The following SS18 variants were observed in gnomAD, a reference collection of about 807,000 sequenced individuals.
SS18 encodes the protein protein SSXT.
A neutral mutation model predicts 72.5 loss-of-function variants in SS18; 28 were observed. The observed-to-expected ratio is 0.39, with a 90% CI of 0.29 to 0.53. The LOEUF (loss-of-function observed/expected upper bound fraction) is 0.53, where lower values mean the gene tolerates loss of function less well. SS18 is among the 20% of genes least tolerant of loss of function. The pLI is 0.76. For missense variants in SS18, 518 were observed against 535.3 expected (o/e 0.97, Z 0.32); for synonymous variants, 172 against 164.2 (o/e 1.05, Z -0.37).
chr18:26,030,087 T>C (rs990327191), intron 10 of SS18, among the ~76,000 whole-genome samples: 12 of 152,228 alleles, frequency 7.9e-5, no homozygotes, highest in African/African-American at 2.9e-4. Context: ...AGCTACCAAG[T>C]GCTAGCCACT....
chr18:26,078,301 C>T (rs994465702), intron 2 of SS18, 141 bp from the exon 3 acceptor site: 4 of 537,604 alleles, frequency 7.4e-6, no homozygotes, highest in Non-Finnish European at 3.2e-6. Context: ...TTTTCCTACA[C>T]TGCAAAAGTT....
rs1269232425 is a variant in SS18 at position 26,035,508 on chromosome 18, A to G, written c.973+323T>C. 3 of 287,206 alleles carry G rather than the reference A, an allele frequency of 1.0e-5. No homozygotes were observed. The highest frequency in any genetic ancestry group is 6.5e-5 in the African/African-American group (3 of 46,286). 17.8% of individuals were successfully genotyped at this position (287,206 alleles called of 1,614,324 possible). A position where few individuals can be genotyped will look rare whatever the true frequency, so the allele number is the denominator to read the frequency against. On this transcript the variant is annotated intron_variant, in intron 8 of 10. Coordinates refer to ENST00000415083, the MANE Select transcript of SS18 (RefSeq NM_001007559.3). The surrounding 1 kb of genome is among the most constrained non-coding windows in gnomAD (Gnocchi z 4.4). ...TGTTTCCTAAAGGCACTATACTTATATGTAAAATTATACATATGTAAACAC... is the reference window on the plus strand; with the variant it reads ...TGTTTCCTAAAGGCACTATACTTATGTGTAAAATTATACATATGTAAACAC...
At chr18:26,059,788 C>T (rs12960968) in intron 3 of SS18, among the ~76,000 whole-genome samples, 8,418 of 152,272 alleles carry the variant, frequency 0.055, 273 homozygotes, top group East Asian at 0.13. Flanking sequence ...AATTGTTCAA[C>T]CACAAGGTCT....
At chr18:26,046,574 T>A (rs2053827954) in intron 5 of SS18, among the ~76,000 whole-genome samples, 1 of 152,240 alleles carries the variant, frequency 6.6e-6, no homozygotes, top group African/African-American at 2.4e-5. Context: ...GCAGTGCATA[T>A]CCAGATTCTC....
intron 1 of SS18, among the ~76,000 whole-genome samples, chr18:26,088,788 A>G (rs1400907126): frequency 6.6e-6 from 1 of 152,222 alleles, no homozygotes; most frequent in Non-Finnish European, 1.5e-5. Context: ...TATTAGCACA[A>G]TACCATAATC....
chr18:26,066,535 C>G (rs1248837118), intron 3 of SS18, among the ~76,000 whole-genome samples: 1 of 151,858 alleles, frequency 6.6e-6, no homozygotes, highest in Non-Finnish European at 1.5e-5. Context: ...AAGGGACAGT[C>G]TTTCAGTTCC....
chr18:26,089,621 CTGCCT>C (rs2054678528), intron 1 of SS18: 1 of 152,248 alleles, frequency 6.6e-6, no homozygotes, highest in African/African-American at 2.4e-5. Flanking sequence ...ATTTAGAATG[CTGCCT>C]TGCTTGCAGG....
At chr18:26,033,484 G>A (rs2053577711) in intron 9 of SS18, among the ~76,000 whole-genome samples, 2 of 148,904 alleles carry the variant, frequency 1.3e-5, no homozygotes, top group African/African-American at 5.0e-5. Context: ...TGCACTCCAG[G>A]TTAGGCAACA....
chr18:26,019,581 C>T (rs892637332), intron 10 of SS18, among the ~76,000 whole-genome samples: 27 of 151,878 alleles, frequency 1.8e-4, no homozygotes, highest in Admixed American at 4.6e-4. Flanking sequence ...GAGGCCAAGG[C>T]GGGTGATTCA....
intron 7 of SS18, 102 bp from the exon 8 acceptor site, chr18:26,036,025 G>T: frequency 2.6e-6 from 2 of 762,196 alleles, no homozygotes; most frequent in Non-Finnish European, 2.1e-6. Context: ...AAAAGAAAAA[G>T]AAATGGAACA....
At chr18:26,026,678 T>C (rs1359602154) in intron 10 of SS18, among the ~76,000 whole-genome samples, 1 of 152,014 alleles carries the variant, frequency 6.6e-6, no homozygotes, top group Non-Finnish European at 1.5e-5. Context: ...AGCATTCAGA[T>C]TGAAAAGGAA....
At chr18:26,081,042 T>C (rs1242197470) in intron 2 of SS18, among the ~76,000 whole-genome samples, 2 of 143,010 alleles carry the variant, frequency 1.4e-5, no homozygotes, top group African/African-American at 5.5e-5. Flanking sequence ...AAATGAAAAA[T>C]TTTCAGTCCG....
Position 26,035,028 on chromosome 18 carries a change from T to C in SS18, c.1073A>G (p.Tyr358Cys). 8 of 1,613,440 alleles carry C rather than the reference T, an allele frequency of 5.0e-6. No homozygotes were observed. The highest frequency in any genetic ancestry group is 6.8e-6 in the Non-Finnish European group (8 of 1,179,586). The change falls in exon 9 of 11, where the codon TAC (tyrosine) becomes TGC (cysteine). Residue 358 changes from tyrosine to cysteine, a missense_variant. Transcript: ENST00000415083. This position sits in a 1 kb window ranked among gnomAD's most constrained non-coding sequence, Gnocchi z 4.4. ...ACCGTAGCCCTGCTGCTGTCCTGGG[T>C]AACCTTGCTGCCCTGGGTACTGCTG... ...QQQQYPGQQGYPGQQQGYGPS... is the reference protein window; with the variant it reads ...QQQQYPGQQGCPGQQQGYGPS...
chr18:26,041,084 CAT>C (rs761980412), intron 5 of SS18, among the ~76,000 whole-genome samples: 14 of 152,264 alleles, frequency 9.2e-5, no homozygotes, highest in East Asian at 1.9e-4. Flanking sequence ...TTTTGAAGCA[CAT>C]GTTTGTTCTA....
In SS18 at chr18:26,016,615, C is replaced by G. The variant is rs367758295; in HGVS notation, c.*1739G>C. 3.3e-4 allele frequency: 62 copies of G among 185,236 alleles called. No individual in the cohort carries two copies. Among genetic ancestry groups the G allele is most frequent in the African/African-American group, 1.3e-3 (56 of 42,718 alleles). 11.5% of individuals were successfully genotyped at this position (185,236 alleles called of 1,614,324 possible). Reference sequence around the variant, plus strand: ...GCGGGTGCCTGTCATCCCAGCTACTCAGGAGGCTGAGGCAGGAGAACTGCT... The same window carrying G: ...GCGGGTGCCTGTCATCCCAGCTACTGAGGAGGCTGAGGCAGGAGAACTGCT... On this transcript the variant is annotated 3_prime_UTR_variant, in exon 11 of 11. Transcript: ENST00000415083.
chr18:26,083,624 T>C (rs2054567993), intron 2 of SS18, among the ~76,000 whole-genome samples: 1 of 152,206 alleles, frequency 6.6e-6, no homozygotes, highest in African/African-American at 2.4e-5. Context: ...TATTTGTTTA[T>C]CTACAATTAT....
At chr18:26,034,892 C>T in intron 9 of SS18, 113 bp downstream of exon 9, 1 of 1,367,356 alleles carries the variant, frequency 7.3e-7, no homozygotes, top group Non-Finnish European at 9.7e-7. Flanking sequence ...TAGTCTAAAA[C>T]TGAATTTTCA....
chr18:26,069,641 G>A (rs2054279783), intron 3 of SS18, among the ~76,000 whole-genome samples: 1 of 152,100 alleles, frequency 6.6e-6, no homozygotes, highest in East Asian at 1.9e-4. Context: ...AGAAACACTA[G>A]ACTATATGAT....
Position 26,080,262 on chromosome 18 carries a change from T to C in SS18, c.147-2102A>G. ...AATATAGTGTTCCATATCTTGCCAT[T>C]TTTTAAAAAACCAACCAGCCATTTT... On this transcript the variant is annotated intron_variant, in intron 2 of 10. Transcript: ENST00000415083. The C allele has an allele frequency of 8.2e-6, 7 of 848,578 alleles. No homozygotes were observed. The South Asian group carries it at 2.7e-4, about 33-fold the overall frequency. The allele number at this position is 848,578 out of a possible 1,614,324, so 52.6% of individuals were successfully genotyped here.
Sources: gnomAD v4.1 joint callset for allele counts (sites outside exome capture counted in the v4.1 genomes callset) on GRCh38, gnomAD v4.1.1 for gene constraint, Gnocchi (gnomAD v3.1) non-coding constraint, MANE v1.5 for transcripts, NCBI Gene and HGNC (gene_info 2026-07-23, HGNC 2026-07-21) for gene names.